The following DGAT2 variants were observed in gnomAD, a reference collection of about 807,000 sequenced individuals.
DGAT2 encodes diacylglycerol O-acyltransferase 2.
DGAT2 carries 33 observed loss-of-function variants against 48.4 expected under a neutral mutation model. The ratio of observed to expected loss-of-function variants is 0.68; its 90% CI spans 0.52 to 0.91. The LOEUF is 0.91. Among genes scored for constraint, DGAT2 ranks in the 40% least tolerant of loss-of-function variants. The pLI, the probability that DGAT2 is intolerant of heterozygous loss-of-function variation, is 0.00. For missense variants in DGAT2, 446 were observed against 493.7 expected (o/e 0.90, Z 0.92); for synonymous variants, 191 against 194.1 (o/e 0.98, Z 0.13).
chr11:75,776,633 A>C (rs1944805542), intron 1 of DGAT2: 1 of 152,236 alleles, frequency 6.6e-6, no homozygotes, highest in South Asian at 2.1e-4. Context: ...TCTCTGGCTG[A>C]GCACATGGTG....
intron 4 of DGAT2, chr11:75,792,146 C>T (rs1019753135): frequency 2.6e-5 from 4 of 152,262 alleles, no homozygotes; most frequent in Non-Finnish European, 5.9e-5. Context: ...TTGGTCAGAC[C>T]TGGGACAGGC....
chr11:75,772,886 A>G (rs1944771427), intron 1 of DGAT2, among the ~76,000 whole-genome samples: 1 of 152,200 alleles, frequency 6.6e-6, no homozygotes, highest in Non-Finnish European at 1.5e-5. Flanking sequence ...GCTACTTGGG[A>G]GGCTGAGGCA....
chr11:75,795,607 A>G (rs1483292959), intron 4 of DGAT2: 3 of 152,666 alleles, frequency 2.0e-5, no homozygotes, highest in Non-Finnish European at 4.4e-5. Context: ...GCAGCCTTAC[A>G]ACTAACCTCT....
chr11:75,780,429 G>A (rs546837316), intron 1 of DGAT2, among the ~76,000 whole-genome samples: 7 of 152,284 alleles, frequency 4.6e-5, no homozygotes, highest in African/African-American at 1.4e-4. Context: ...TCAGGAGGGT[G>A]GGTGCCAGAG....
chr11:75,775,621 A>G (rs993646253), intron 1 of DGAT2, among the ~76,000 whole-genome samples: 1 of 152,100 alleles, frequency 6.6e-6, no homozygotes, highest in Non-Finnish European at 1.5e-5. Flanking sequence ...GGACTCCTAG[A>G]CCTAGCATCC....
intron 2 of DGAT2, among the ~76,000 whole-genome samples, chr11:75,787,205 A>G (rs1163064472): frequency 6.6e-6 from 1 of 152,182 alleles, no homozygotes; most frequent in African/African-American, 2.4e-5. Flanking sequence ...ATAAGAGATA[A>G]GTGAAAATTT....
At chr11:75,778,616 C>T (rs1233871426) in intron 1 of DGAT2, among the ~76,000 whole-genome samples, 6 of 152,180 alleles carry the variant, frequency 3.9e-5, no homozygotes, top group African/African-American at 9.6e-5. Flanking sequence ...GGGCGGATCA[C>T]GAGATCAGGA....
rs1457679346 is a variant in DGAT2, at chr11:75,797,231, C to T, written c.708C>T (p.Ile236=). ...SKNGSGNAII[I]VVGGAAESLS... ...ATGGGAGTGGCAATGCTATCATCAT[C>T]GTGGTCGGGGGTGCGGCTGAGTCTC... Residue 236 remains isoleucine (I), a synonymous_variant, in exon 6 of 8, where the codon ATC becomes ATT. Transcript: ENST00000228027. 8 of 1,581,918 alleles carry T rather than the reference C, an allele frequency of 5.1e-6. No individual in the cohort carries two copies. The highest frequency in any genetic ancestry group is 2.4e-5 in the East Asian group (1 of 42,098).
chr11:75,790,411 C>A, intron 3 of DGAT2, 116 bp downstream of exon 3: 3 of 951,092 alleles, frequency 3.2e-6, no homozygotes, highest in Non-Finnish European at 5.0e-6. Flanking sequence ...TTGTGAAAAG[C>A]ACTGGACTAG....
intron 7 of DGAT2, among the ~76,000 whole-genome samples, chr11:75,799,485 A>C (rs1394610386): frequency 1.3e-5 from 2 of 152,180 alleles, no homozygotes; most frequent in Non-Finnish European, 2.9e-5. Context: ...AAAATTTCAG[A>C]AATAGCATTG....
At chr11:75,769,263 G>GC (rs1450758261) in intron 1 of DGAT2, 151 bp downstream of exon 1, 5 of 1,007,796 alleles carry the variant, frequency 5.0e-6, no homozygotes, top group Non-Finnish European at 6.6e-6. Flanking sequence ...CTTTCCACCC[G>GC]CCCCCCAGCT....
At chr11:75,774,821 G>T (rs1266659353) in intron 1 of DGAT2, among the ~76,000 whole-genome samples, 2 of 152,200 alleles carry the variant, frequency 1.3e-5, no homozygotes, top group Non-Finnish European at 1.5e-5. Context: ...TCGCAAGCTA[G>T]TAGTGTTGCC....
rs371445822 is a variant in DGAT2, at chr11:75,800,452, G to A, written c.1111G>A (p.Asp371Asn). 11 of 1,614,020 alleles carry A rather than the reference G, an allele frequency of 6.8e-6. No homozygotes were observed. The highest frequency in any genetic ancestry group is 4.4e-5 in the South Asian group (4 of 91,066). Residue 371 changes from aspartate to asparagine, a missense_variant, in exon 8 of 8, where the codon GAC (aspartate) becomes AAC (asparagine). Asp to Asn is a conservative substitution (Grantham distance 23, BLOSUM62 1). Transcript: ENST00000228027. ...CATGGAGGCCCTGGTGAAGCTCTTC[G>A]ACAAGCACAAGACCAAGTTCGGCCT... ...MYMEALVKLF[D>N]KHKTKFGLPE... is the part of the protein sequence containing the mutation.
At position 75,800,724 on chromosome 11, in the gene DGAT2, C is replaced by T. The variant is rs1240779086; in HGVS notation, c.*216C>T. 1.7e-6 allele frequency: 1 copy of T among 573,788 alleles called. No homozygotes were observed. The highest frequency in any genetic ancestry group is 3.0e-6 in the Non-Finnish European group (1 of 337,452). 35.5% of individuals were successfully genotyped at this position (573,788 alleles called of 1,614,324 possible). A position where few individuals can be genotyped will look rare whatever the true frequency, so the allele number is the denominator to read the frequency against. On this transcript the variant is annotated 3_prime_UTR_variant, in exon 8 of 8. Coordinates refer to ENST00000228027, the MANE Select transcript of DGAT2 (RefSeq NM_032564.5). ...GCCCTGTTCTAGGTGGTGGCTAAAT[C>T]TGGGCCTAATCTGGGTGGCTCAGCT...
rs897552454 is a variant in DGAT2 at position 75,796,129 on chromosome 11, C to T, written c.430-199C>T. 5 of 617,524 alleles carry T rather than the reference C, an allele frequency of 8.1e-6. No individual in the cohort carries two copies. The Admixed American group carries it at 1.1e-4, about 13-fold the overall frequency. The allele number at this position is 617,524 out of a possible 1,614,324, so 38.3% of individuals were successfully genotyped here. A position where few individuals can be genotyped will look rare whatever the true frequency, so the allele number is the denominator to read the frequency against. ...TTGCCCACCCCTTCCCAGAGACCCACAGTGCAAATGGTGACTGCCCAACAC... is the reference window on the plus strand; with the variant it reads ...TTGCCCACCCCTTCCCAGAGACCCATAGTGCAAATGGTGACTGCCCAACAC... On this transcript the variant is annotated intron_variant, in intron 4 of 7. Transcript: ENST00000228027.
chr11:75,790,094 G>C, intron 2 of DGAT2, 94 bp from the exon 3 acceptor site: 1 of 925,034 alleles, frequency 1.1e-6, no homozygotes, highest in Non-Finnish European at 1.8e-6. Flanking sequence ...GGTGTGCCTA[G>C]CTTAGTGCCA....
At chr11:75,772,300 C>T (rs1196771836) in intron 1 of DGAT2, among the ~76,000 whole-genome samples, 1 of 152,186 alleles carries the variant, frequency 6.6e-6, no homozygotes, top group Non-Finnish European at 1.5e-5. Flanking sequence ...CACTCAGTCA[C>T]ACTTCAGACT....
rs1287359155 is a variant in DGAT2 at position 75,769,101 on chromosome 11, C to T, written c.110C>T (p.Ser37Phe). ...HGGPALSREGSGRWGTGSSIL... is the reference protein window; with the variant it reads ...HGGPALSREGFGRWGTGSSIL... ...GGACCTGCGCTGTCGCGCGAGGGGT[C>T]TGGGAGATGGGGTGAGTGCCACGGC... The change falls in exon 1 of 8, where the codon TCT becomes TTT. Residue 37 changes from serine to phenylalanine, a missense_variant. Coordinates refer to ENST00000228027, the MANE Select transcript of DGAT2 (RefSeq NM_032564.5). 6.4e-7 allele frequency: 1 copy of T among 1,568,868 alleles called. No individual in the cohort carries two copies. The highest frequency in any genetic ancestry group is 1.2e-5 in the South Asian group (1 of 86,090).
At chr11:75,784,054 A>G (rs1944895457) in intron 1 of DGAT2, among the ~76,000 whole-genome samples, 1 of 151,940 alleles carries the variant, frequency 6.6e-6, no homozygotes, top group Admixed American at 6.6e-5. Flanking sequence ...GTGGGGAATC[A>G]GTGGTGTTGG....
Sources: allele counts gnomAD v4.1 joint callset (sites outside exome capture counted in the v4.1 genomes callset), GRCh38; gene constraint gnomAD v4.1.1; transcripts MANE v1.5; gene names NCBI Gene and HGNC (gene_info 2026-07-23, HGNC 2026-07-21).